The following SV2B variants were observed in gnomAD, a reference collection of about 807,000 sequenced individuals.
SV2B encodes solute carrier family 22 member B2.
SV2B carries 41 observed loss-of-function variants against 73.9 expected under a neutral mutation model. That is an observed-to-expected ratio of 0.56 (90% confidence interval 0.43 to 0.72). The LOEUF (loss-of-function observed/expected upper bound fraction) is 0.72. Among genes scored for constraint, SV2B ranks in the 30% least tolerant of loss-of-function variants. The pLI is 0.00. For missense variants in SV2B, 764 were observed against 857.8 expected (o/e 0.89, Z 1.37); for synonymous variants, 314 against 314.2 (o/e 1.00, Z 0.01).
intron 1 of SV2B, among the ~76,000 whole-genome samples, chr15:91,198,455 ATGTGTGTGTGTGTGTGTGTG>A (rs5814467): frequency 7.3e-6 from 1 of 136,756 alleles, no homozygotes; most frequent in East Asian, 2.2e-4. Context: ...AAGCACGTGT[ATGTGTGTGTGTGTGTGTGTG>A]TGTGTGTGTG....
intron 1 of SV2B, among the ~76,000 whole-genome samples, chr15:91,160,888 G>A (rs2043691091): frequency 6.6e-6 from 1 of 151,668 alleles, no homozygotes; most frequent in African/African-American, 2.4e-5. Context: ...TCAAAGAGTA[G>A]CCAAAGCTGG....
intron 1 of SV2B, among the ~76,000 whole-genome samples, chr15:91,186,088 A>G (rs2044758729): frequency 6.6e-6 from 1 of 152,136 alleles, no homozygotes; most frequent in Admixed American, 6.6e-5. Flanking sequence ...TTCTCTGAAT[A>G]GGGGTGTGAA....
intron 1 of SV2B, among the ~76,000 whole-genome samples, chr15:91,156,492 G>A (rs1398955319): frequency 1.3e-5 from 2 of 152,208 alleles, no homozygotes; most frequent in African/African-American, 4.8e-5. Flanking sequence ...AAACAAAATG[G>A]CAGGTAGGAA....
In SV2B at chr15:91,268,622, G is replaced by C; in HGVS notation, c.1373+17G>C. The C allele has an allele frequency of 6.2e-7, 1 of 1,603,608 alleles. No individual in the cohort carries two copies. The highest frequency in any genetic ancestry group is 8.5e-7 in the Non-Finnish European group (1 of 1,171,584). ...GAATGATAAGTAAGTGAGTGATCACGGGCTTCCCTCACATCAGGGTGACAG... is the reference window on the plus strand; with the variant it reads ...GAATGATAAGTAAGTGAGTGATCACCGGCTTCCCTCACATCAGGGTGACAG... On this transcript the variant is annotated intron_variant, in intron 9 of 12. Transcript: ENST00000394232. This position sits in a 1 kb window ranked among gnomAD's most constrained non-coding sequence, Gnocchi z 4.4.
At chr15:91,191,122 A>G (rs1178654465) in intron 1 of SV2B, among the ~76,000 whole-genome samples, 12 of 130,918 alleles carry the variant, frequency 9.2e-5, no homozygotes, top group East Asian at 2.7e-4. Context: ...CTGGAGTGCA[A>G]TGGTGCAATT....
Position 91,197,605 on chromosome 15 carries a change from ATAAG to A in SV2B, c.-391-28263_-391-28260del. On this transcript the variant is annotated intron_variant, in intron 1 of 12. Coordinates refer to ENST00000394232, the MANE Select transcript of SV2B (RefSeq NM_001323032.3). The surrounding 1 kb of genome is among the most constrained non-coding windows in gnomAD (Gnocchi z 4.9). ...AAAATCACTGTAAAGACAAGAATGGATAAGTAAGGAGAGTTATCCCTAGGAATAC... is the reference window on the plus strand; with the variant it reads ...AAAATCACTGTAAAGACAAGAATGGATAAGGAGAGTTATCCCTAGGAATAC... Among the ~76,000 whole-genome samples, 1 of 152,334 alleles carries A rather than the reference ATAAG, an allele frequency of 6.6e-6. No homozygotes were observed. Among genetic ancestry groups the A allele is most frequent in the Middle Eastern group, 3.4e-3 (1 of 294 alleles).
rs868778533 is a variant in SV2B at position 91,281,256 on chromosome 15, G to A, written c.1374-472G>A. 2.0e-5 allele frequency among the ~76,000 whole-genome samples: 3 copies of A among 152,280 alleles called. No individual in the cohort carries two copies. Among genetic ancestry groups the A allele is most frequent in the Middle Eastern group, 3.4e-3 (1 of 294 alleles). On this transcript the variant is annotated intron_variant, in intron 9 of 12. Coordinates refer to ENST00000394232, the MANE Select transcript of SV2B (RefSeq NM_001323032.3). The surrounding 1 kb of genome is among the most constrained non-coding windows in gnomAD (Gnocchi z 4.7). Reference sequence around the variant, plus strand: ...CTGCATGGATTATATTCTACCAATAGTATGAATGAAAGGCCTATTTCCCCA... The same window carrying A: ...CTGCATGGATTATATTCTACCAATAATATGAATGAAAGGCCTATTTCCCCA...
At chr15:91,108,443 A>G (rs892535176) in intron 1 of SV2B, among the ~76,000 whole-genome samples, 1 of 152,252 alleles carries the variant, frequency 6.6e-6, no homozygotes, top group African/African-American at 2.4e-5. Context: ...TGTGGCTCCC[A>G]CAGAATCCAC....
Position 91,129,058 on chromosome 15 carries a change from G to C in SV2B, c.-392+28695G>C, listed in dbSNP as rs1277140784. ...TGGTGAAACTTCAGAGGGCCAGGGA[G>C]CCCTTGGCCCCTACATGGCCACATG... On this transcript the variant is annotated intron_variant, in intron 1 of 12. Transcript: ENST00000394232. The surrounding 1 kb of genome is among the most constrained non-coding windows in gnomAD (Gnocchi z 5.1). Among the ~76,000 whole-genome samples, 20 of 152,216 alleles carry C rather than the reference G, an allele frequency of 1.3e-4. 1 individual carries two copies. The highest frequency in any genetic ancestry group is 1.5e-5 in the Non-Finnish European group (1 of 68,036).
chr15:91,134,995 C>CT lies in SV2B; in HGVS notation c.-392+34649dup, dbSNP rs3082093. 6.9e-3 allele frequency among the ~76,000 whole-genome samples: 944 copies of CT among 137,378 alleles called. 8 individuals are homozygous for CT. Among genetic ancestry groups the CT allele is most frequent in the African/African-American group, 0.021 (786 of 37,704 alleles). The allele number at this position is 137,378 out of a possible 152,430, so 90.1% of individuals were successfully genotyped here. A position where few individuals can be genotyped will look rare whatever the true frequency, so the allele number is the denominator to read the frequency against. On this transcript the variant is annotated intron_variant, in intron 1 of 12. Coordinates refer to ENST00000394232, the MANE Select transcript of SV2B (RefSeq NM_001323032.3). Reference sequence around the variant, plus strand: ...TCTCTGTATAACAGTATTTCTCAACCTTTTTTTTTTTTTTTTTATTTTGAG... The same window carrying CT: ...TCTCTGTATAACAGTATTTCTCAACCTTTTTTTTTTTTTTTTTTATTTTGAG...
chr15:91,237,771 G>T lies in SV2B; in HGVS notation c.451+11057G>T, dbSNP rs79070222. ...TAAAAAGTAGGAACGATCCCCACATGGCTTCCTTCCTGTATTTGCGATGAT... is the reference window on the plus strand; with the variant it reads ...TAAAAAGTAGGAACGATCCCCACATTGCTTCCTTCCTGTATTTGCGATGAT... On this transcript the variant is annotated intron_variant, in intron 2 of 12. Coordinates refer to ENST00000394232, the MANE Select transcript of SV2B (RefSeq NM_001323032.3). Among the ~76,000 whole-genome samples the T allele has an allele frequency of 7.9e-5, 12 of 152,260 alleles. No individual in the cohort carries two copies. The East Asian group carries it at 2.3e-3, about 29-fold the overall frequency.
chr15:91,135,407 G>T (rs2042790108), intron 1 of SV2B, among the ~76,000 whole-genome samples: 1 of 152,192 alleles, frequency 6.6e-6, no homozygotes, highest in Non-Finnish European at 1.5e-5. Flanking sequence ...ATACTTCTCA[G>T]TTGACAGCTA....
rs529488941 is a variant in SV2B, at chr15:91,220,024, A to T, written c.-391-5849A>T. 2.6e-5 allele frequency among the ~76,000 whole-genome samples: 4 copies of T among 152,304 alleles called. No individual in the cohort carries two copies. The highest frequency in any genetic ancestry group is 3.9e-4 in the East Asian group (2 of 5,188). ...GGTTTATCCATTCATCAGCTGGTGG[A>T]CATTTGTACTGTTCCCAGTTTGGGG... On this transcript the variant is annotated intron_variant, in intron 1 of 12. Transcript: ENST00000394232. This position sits in a 1 kb window ranked among gnomAD's most constrained non-coding sequence, Gnocchi z 4.1.
chr15:91,102,915 C>A (rs1196732862), intron 1 of SV2B, among the ~76,000 whole-genome samples: 1 of 152,110 alleles, frequency 6.6e-6, no homozygotes, highest in African/African-American at 2.4e-5. Flanking sequence ...GCAGCACCTG[C>A]AAAACCCTGA....
chr15:91,182,942 C>T (rs868656960), intron 1 of SV2B, among the ~76,000 whole-genome samples: 1 of 152,174 alleles, frequency 6.6e-6, no homozygotes, highest in South Asian at 2.1e-4. Flanking sequence ...ATTTGCACTC[C>T]CTCTTCATAT....
At position 91,209,536 on chromosome 15, in the gene SV2B, G is replaced by A. The variant is rs1428561955; in HGVS notation, c.-391-16337G>A. Among the ~76,000 whole-genome samples, 5 of 152,318 alleles carry A rather than the reference G, an allele frequency of 3.3e-5. No homozygotes were observed. In the South Asian group the frequency reaches 1.0e-3, roughly 32 times the overall value. ...AATAGGAAAGCCAAACAGTTGAAAA[G>A]GCATGTTGAGGAATTTCATCACACT... On this transcript the variant is annotated intron_variant, in intron 1 of 12. Coordinates refer to ENST00000394232, the MANE Select transcript of SV2B (RefSeq NM_001323032.3).
chr15:91,174,898 G>A (rs2044246758), intron 1 of SV2B, among the ~76,000 whole-genome samples: 1 of 152,152 alleles, frequency 6.6e-6, no homozygotes, highest in Non-Finnish European at 1.5e-5. Flanking sequence ...CCGTCGTCTT[G>A]GTCTGGGGTC....
rs933259855 is a variant in SV2B at position 91,294,581 on chromosome 15, G to T, written c.*2029G>T. 6.6e-6 allele frequency: 1 copy of T among 151,882 alleles called. No individual in the cohort carries two copies. The highest frequency in any genetic ancestry group is 1.9e-4 in the East Asian group (1 of 5,192). 9.4% of individuals were successfully genotyped at this position (151,882 alleles called of 1,614,324 possible). On this transcript the variant is annotated 3_prime_UTR_variant, in exon 13 of 13. Coordinates refer to ENST00000394232, the MANE Select transcript of SV2B (RefSeq NM_001323032.3). The surrounding 1 kb of genome is among the most constrained non-coding windows in gnomAD (Gnocchi z 4.1). Reference sequence around the variant, plus strand: ...ATTTACTTTCCATATGAATACAGTGGCTAGGTTCATAAAAGAGAATTGTGT... The same window carrying T: ...ATTTACTTTCCATATGAATACAGTGTCTAGGTTCATAAAAGAGAATTGTGT...
intron 1 of SV2B, among the ~76,000 whole-genome samples, chr15:91,210,362 G>T (rs1275477063): frequency 6.6e-6 from 1 of 151,960 alleles, no homozygotes; most frequent in African/African-American, 2.4e-5. Context: ...AAGTAGTTCG[G>T]TCTAAGCTGC....
Sources: allele counts gnomAD v4.1 joint callset (sites outside exome capture counted in the v4.1 genomes callset), GRCh38; gene constraint gnomAD v4.1.1; non-coding constraint Gnocchi (gnomAD v3.1); transcripts MANE v1.5; gene names NCBI Gene and HGNC (gene_info 2026-07-23, HGNC 2026-07-21).